The following EXPH5 variants were observed in gnomAD, a reference collection of about 807,000 sequenced individuals.
EXPH5 encodes exophilin 5.
A neutral mutation model predicts 41.1 loss-of-function variants in EXPH5; 42 were observed. That is an observed-to-expected ratio of 1.02 (90% CI 0.80 to 1.32). The LOEUF is 1.32. Ranked by LOEUF, EXPH5 falls within the 40% of genes most tolerant of loss-of-function variation. EXPH5 has a pLI of 0.00. For missense variants in EXPH5, 2,298 were observed against 2,314.5 expected, an observed-to-expected ratio of 0.99 and a Z score of 0.15; for synonymous variants, 798 against 833.5, an observed-to-expected ratio of 0.96 and a Z score of 0.73.
intron 5 of EXPH5, among the ~76,000 whole-genome samples, chr11:108,515,890 G>A (rs2135938098): frequency 6.6e-6 from 1 of 152,154 alleles, no homozygotes; most frequent in Non-Finnish European, 1.5e-5. Flanking sequence ...GGCTAACATG[G>A]TGAAACCCCG....
At chr11:108,578,943 G>T (rs577305732) in intron 1 of EXPH5, among the ~76,000 whole-genome samples, 1 of 152,096 alleles carries the variant, frequency 6.6e-6, no homozygotes, top group African/African-American at 2.4e-5. Context: ...AGATCATATT[G>T]TCTGAAAACA....
Position 108,507,550 on chromosome 11 carries a change from T to C in EXPH5, c.*1987A>G, listed in dbSNP as rs1001515773. ...TTAAAGCAGATTATCTTCACTGCCA[T>C]CTATTGGTCTTTATCCTGAATTAGG... On this transcript the variant is annotated 3_prime_UTR_variant, in exon 6 of 6. Coordinates refer to ENST00000265843, the MANE Select transcript of EXPH5 (RefSeq NM_015065.3). 5.3e-5 allele frequency: 8 copies of C among 152,224 alleles called. No homozygotes were observed. Among genetic ancestry groups the C allele is most frequent in the African/African-American group, 1.9e-4 (8 of 41,470 alleles). The allele number at this position is 152,224 out of a possible 1,614,324, so 9.4% of individuals were successfully genotyped here.
chr11:108,560,390 C>G (rs956287845), intron 1 of EXPH5, among the ~76,000 whole-genome samples: 3 of 152,226 alleles, frequency 2.0e-5, no homozygotes, highest in Admixed American at 1.3e-4. Flanking sequence ...GGCAAACAAA[C>G]CCGCCTTACA....
At chr11:108,534,542 G>A (rs2093866681) in intron 3 of EXPH5, among the ~76,000 whole-genome samples, 1 of 152,178 alleles carries the variant, frequency 6.6e-6, no homozygotes. Context: ...CTTGGTTTAT[G>A]TCATTTCTTT....
chr11:108,572,896 A>G (rs1394392500), intron 1 of EXPH5, among the ~76,000 whole-genome samples: 4 of 152,084 alleles, frequency 2.6e-5, no homozygotes, highest in Admixed American at 2.6e-4. Context: ...TACCTCTGCA[A>G]TTAAGTAATT....
chr11:108,539,378 C>T (rs2093899787), intron 2 of EXPH5, among the ~76,000 whole-genome samples, 192 bp from the exon 3 acceptor site: 1 of 152,132 alleles, frequency 6.6e-6, no homozygotes, highest in South Asian at 2.1e-4. Flanking sequence ...GATGGTTCTG[C>T]TGCATAGAGA....
At position 108,511,879 on chromosome 11, in the gene EXPH5, G is replaced by T; in HGVS notation, c.3628C>A (p.Pro1210Thr). The T allele has an allele frequency of 6.3e-7, 1 of 1,588,442 alleles. No individual in the cohort carries two copies. The highest frequency in any genetic ancestry group is 1.2e-5 in the South Asian group (1 of 85,668). Residue 1210 changes from proline to threonine, a missense_variant, in exon 6 of 6, where the codon CCT becomes ACT. By Grantham distance (38) the Pro-to-Thr change is conservative (BLOSUM62 -1). Transcript: ENST00000265843. ...RSVFALSNEDPLPFCSDLSGK... is the reference protein window; with the variant it reads ...RSVFALSNEDTLPFCSDLSGK... ...GACAAGTCTGAGCAAAAAGGTAAAG[G>T]GTCTTCATTTGAAAGAGCAAATACA...
chr11:108,594,682 C>T (rs924868631), upstream of EXPH5, among the ~76,000 whole-genome samples: 11 of 152,054 alleles, frequency 7.2e-5, no homozygotes, highest in South Asian at 2.3e-3. Context: ...ACTTTCCTGC[C>T]CCATAGCCTT....
chr11:108,539,119 A>G lies in EXPH5; in HGVS notation c.348T>C (p.Ser116=), dbSNP rs114602723. The G allele has an allele frequency of 5.7e-5, 92 of 1,611,974 alleles. No homozygotes were observed. The East Asian group carries it at 1.8e-3, about 31-fold the overall frequency. The change falls in exon 3 of 6, where the codon TCT becomes TCC. Residue 116 remains serine (S), a synonymous_variant. Transcript: ENST00000265843. ...ATGACGATCTGAAGCTCATCCGGGA[A>G]GAAAAAGGTGTCGGCTTTTTTTGAT... ...VTNQKKPTPF[S]SRMSFRSSFA... is the part of the protein sequence containing the mutation.
chr11:108,529,953 A>C lies in EXPH5; in HGVS notation c.444-1769T>G, dbSNP rs900608588. On this transcript the variant is annotated intron_variant, in intron 3 of 5. Coordinates refer to ENST00000265843, the MANE Select transcript of EXPH5 (RefSeq NM_015065.3). ...GTAATGGGGATCAAGAGCTAAAGAA[A>C]CTGGGTCTCTAGATCAGATCAATTA... 5.3e-5 allele frequency among the ~76,000 whole-genome samples: 8 copies of C among 152,302 alleles called. No homozygotes were observed. The East Asian group carries it at 1.5e-3, about 29-fold the overall frequency.
At chr11:108,600,758 A>G in the EXPH5 span, among the ~76,000 whole-genome samples, 1 of 152,224 alleles carries the variant, frequency 6.6e-6, no homozygotes, top group African/African-American at 2.4e-5. Flanking sequence ...CAAATAATAC[A>G]TTAACCATAC....
chr11:108,523,386 G>A (rs2093777703), intron 4 of EXPH5, among the ~76,000 whole-genome samples: 1 of 151,996 alleles, frequency 6.6e-6, no homozygotes, highest in Admixed American at 6.6e-5. Context: ...ATACTCATAT[G>A]ATCTGATCCC....
chr11:108,594,254 C>T (rs1398584315), upstream of EXPH5, among the ~76,000 whole-genome samples: 1 of 152,166 alleles, frequency 6.6e-6, no homozygotes, highest in African/African-American at 2.4e-5. Flanking sequence ...CCTCTCATCC[C>T]ACAGACACCC....
chr11:108,565,361 C>T (rs112537146), intron 1 of EXPH5, among the ~76,000 whole-genome samples: 7 of 152,300 alleles, frequency 4.6e-5, no homozygotes, highest in African/African-American at 1.7e-4. Flanking sequence ...AATTCACAGG[C>T]TAGTCTATTT....
intron 2 of EXPH5, among the ~76,000 whole-genome samples, 169 bp from the exon 3 acceptor site, chr11:108,539,355 C>T (rs2093899620): frequency 6.6e-6 from 1 of 152,194 alleles, no homozygotes; most frequent in Non-Finnish European, 1.5e-5. Flanking sequence ...AGCAACCTCT[C>T]TCCTGCGCCT....
Position 108,512,095 on chromosome 11 carries a change from C to T in EXPH5, c.3412G>A (p.Gly1138Arg). ...GEPHASTGRE[G>R]RKKPLTSGMD... Reference sequence around the variant, plus strand: ...CCTGAGGTCAATGGCTTTTTTCTTCCTTCTCTTCCAGTTGAGGCATGTGGC... The same window carrying T: ...CCTGAGGTCAATGGCTTTTTTCTTCTTTCTCTTCCAGTTGAGGCATGTGGC... The change falls in exon 6 of 6, where the codon GGA becomes AGA. Residue 1138 changes from glycine to arginine, a missense_variant. By Grantham distance (125) the Gly-to-Arg change is moderately radical. Coordinates refer to ENST00000265843, the MANE Select transcript of EXPH5 (RefSeq NM_015065.3). 6.2e-7 allele frequency: 1 copy of T among 1,612,928 alleles called. No homozygotes were observed. Among genetic ancestry groups the T allele is most frequent in the African/African-American group, 1.3e-5 (1 of 74,930 alleles).
rs1426689742 is a variant in EXPH5 at position 108,511,078 on chromosome 11, T to G, written c.4429A>C (p.Ser1477Arg). The G allele has an allele frequency of 6.2e-7, 1 of 1,614,188 alleles. No individual in the cohort carries two copies. Among genetic ancestry groups the G allele is most frequent in the Non-Finnish European group, 8.5e-7 (1 of 1,180,006 alleles). Reference sequence around the variant, plus strand: ...CTGCCTTCCCTAGGCTGTGATCCACTGGAGCCATCACCTACAGCTGTGGAT... The same window carrying G: ...CTGCCTTCCCTAGGCTGTGATCCACGGGAGCCATCACCTACAGCTGTGGAT... Reference protein sequence around the residue: ...HTSTAVGDGSSGSQPREGRGD... With the variant: ...HTSTAVGDGSRGSQPREGRGD... The change falls in exon 6 of 6, where the codon AGT (serine) becomes CGT (arginine). Residue 1477 changes from serine to arginine, a missense_variant. Coordinates refer to ENST00000265843, the MANE Select transcript of EXPH5 (RefSeq NM_015065.3).
rs982357803 is a variant in EXPH5 at position 108,505,849 on chromosome 11, A to G, written c.*3688T>C. The stretch of plus-strand genomic sequence containing the variant: ...ACCTAAATGGATTTTTACCCCCTCC[A>G]GTACACATATTTACCTCCTACACAA... On this transcript the variant is annotated 3_prime_UTR_variant, in exon 6 of 6. Transcript: ENST00000265843. The G allele has an allele frequency of 1.1e-4, 17 of 152,198 alleles. No individual in the cohort carries two copies. Among genetic ancestry groups the G allele is most frequent in the Non-Finnish European group, 1.3e-4 (9 of 68,030 alleles). 9.4% of individuals were successfully genotyped at this position (152,198 alleles called of 1,614,324 possible).
chr11:108,552,459 G>C (rs2093970841), intron 1 of EXPH5, among the ~76,000 whole-genome samples: 2 of 152,166 alleles, frequency 1.3e-5, no homozygotes, highest in African/African-American at 4.8e-5. Flanking sequence ...AAGTAAGCAA[G>C]CAACAACAAC....
Sources: gnomAD v4.1 joint callset for allele counts (sites outside exome capture counted in the v4.1 genomes callset) on GRCh38, gnomAD v4.1.1 for gene constraint, MANE v1.5 for transcripts, NCBI Gene and HGNC (gene_info 2026-07-23, HGNC 2026-07-21) for gene names.